MBD5: variants seen among roughly 807,000 people sequenced by gnomAD.
MBD5 encodes methyl-CpG binding domain protein 5.
A neutral mutation model predicts 117.3 loss-of-function variants in MBD5; 13 were observed. The ratio of observed to expected loss-of-function variants is 0.11; its 90% confidence interval spans 0.07 to 0.18. The LOEUF is 0.18. Ranked by LOEUF, MBD5 falls within the 10% of genes least tolerant of loss-of-function variation. The pLI is 1.00. For missense variants in MBD5, 1,879 were observed against 2,093.8 expected (o/e 0.90, Z 2.00); for synonymous variants, 727 against 766.4 (o/e 0.95, Z 0.85).
At chr2:148,445,526 C>A (rs1375248638) in intron 4 of MBD5, among the ~76,000 whole-genome samples, 2 of 151,312 alleles carry the variant, frequency 1.3e-5, no homozygotes, top group East Asian at 3.9e-4. Context: ...TTTCTTAATC[C>A]AGTCTATCAT....
intron 1 of MBD5, among the ~76,000 whole-genome samples, chr2:148,051,803 G>T (rs1264235955): frequency 6.6e-6 from 1 of 151,946 alleles, no homozygotes; most frequent in Non-Finnish European, 1.5e-5. Flanking sequence ...ATTTATAAGA[G>T]CTATTGATCT....
At chr2:148,159,137 G>A (rs1697945269) in intron 1 of MBD5, among the ~76,000 whole-genome samples, 1 of 152,228 alleles carries the variant, frequency 6.6e-6, no homozygotes, top group South Asian at 2.1e-4. Flanking sequence ...TACACAGGTA[G>A]TTAGTTAATC....
intron 12 of MBD5, among the ~76,000 whole-genome samples, chr2:148,507,890 T>C (rs1292809988): frequency 6.6e-6 from 1 of 152,182 alleles, no homozygotes; most frequent in Non-Finnish European, 1.5e-5. Context: ...GTAACTTCAT[T>C]TTAAATATTT....
chr2:148,090,692 C>G (rs1695918843), intron 1 of MBD5, among the ~76,000 whole-genome samples: 1 of 151,856 alleles, frequency 6.6e-6, no homozygotes, highest in Non-Finnish European at 1.5e-5. Context: ...AGGGATATAC[C>G]TCAAAGTAAT....
intron 11 of MBD5, among the ~76,000 whole-genome samples, chr2:148,495,120 T>G (rs1681662034): frequency 1.3e-5 from 2 of 152,312 alleles, no homozygotes; most frequent in Admixed American, 6.5e-5. Flanking sequence ...TGTGCTCCAG[T>G]GCATAGCCAG....
chr2:148,025,010 C>G (rs137896588), intron 1 of MBD5: 349 of 152,282 alleles, frequency 2.3e-3, no homozygotes, highest in African/African-American at 7.8e-3. Context: ...AAGATTTACT[C>G]CTAGTCATCA....
At chr2:148,063,553 C>CT (rs35670128) in intron 1 of MBD5, among the ~76,000 whole-genome samples, 11 of 149,622 alleles carry the variant, frequency 7.4e-5, no homozygotes, top group South Asian at 2.1e-4. Context: ...TCCAAGAAAA[C>CT]TTTTTTTTTT....
chr2:148,446,764 T>G (rs897870198), intron 4 of MBD5, among the ~76,000 whole-genome samples: 2 of 152,002 alleles, frequency 1.3e-5, no homozygotes, highest in African/African-American at 4.8e-5. Flanking sequence ...TTAGAGTGTT[T>G]CAAGGATTAT....
intron 1 of MBD5, chr2:148,027,306 ATTATTTCATAT>A (rs1693924744): frequency 6.6e-6 from 1 of 152,144 alleles, no homozygotes; most frequent in African/African-American, 2.4e-5. Context: ...AGGTGCCTAA[ATTATTTCATAT>A]TTATACTTAA....
intron 1 of MBD5, among the ~76,000 whole-genome samples, chr2:148,059,950 G>T (rs1363679236): frequency 6.6e-6 from 1 of 151,116 alleles, no homozygotes; most frequent in Non-Finnish European, 1.5e-5. Flanking sequence ...AGATTCTGTT[G>T]GGTGTTTGGA....
chr2:148,187,157 G>A (rs1698681408), intron 2 of MBD5, among the ~76,000 whole-genome samples: 1 of 152,176 alleles, frequency 6.6e-6, no homozygotes, highest in Non-Finnish European at 1.5e-5. Context: ...GGAGTTTGGG[G>A]CTGTAGTGTG....
At chr2:148,494,298 G>C (rs967082372) in intron 11 of MBD5, among the ~76,000 whole-genome samples, 1 of 152,104 alleles carries the variant, frequency 6.6e-6, no homozygotes, top group African/African-American at 2.4e-5. Flanking sequence ...GTACAAATTG[G>C]CATATCTGAT....
intron 1 of MBD5, among the ~76,000 whole-genome samples, chr2:148,050,644 A>G (rs1037955073): frequency 6.6e-6 from 1 of 152,132 alleles, no homozygotes; most frequent in Non-Finnish European, 1.5e-5. Flanking sequence ...GAAAATTTAC[A>G]TTATATCTTG....
intron 1 of MBD5, among the ~76,000 whole-genome samples, chr2:148,101,683 T>G (rs1696221113): frequency 6.6e-6 from 1 of 152,184 alleles, no homozygotes; most frequent in Non-Finnish European, 1.5e-5. Flanking sequence ...CAGTGTTTTT[T>G]TAACTTCATC....
intron 4 of MBD5, among the ~76,000 whole-genome samples, chr2:148,375,087 G>A (rs1276336798): frequency 6.6e-6 from 1 of 152,074 alleles, no homozygotes. Flanking sequence ...CTTCTCCAAA[G>A]TATAATACAA....
At chr2:148,466,493 A>G (rs1277773556) in intron 7 of MBD5, among the ~76,000 whole-genome samples, 2 of 152,160 alleles carry the variant, frequency 1.3e-5, no homozygotes, top group Non-Finnish European at 2.9e-5. Flanking sequence ...ATATAAATAC[A>G]TTGATACCCA....
chr2:148,269,668 G>GTTTTTTTTTTTTTT (rs11316954), intron 3 of MBD5, among the ~76,000 whole-genome samples: 1 of 125,854 alleles, frequency 7.9e-6, no homozygotes, highest in African/African-American at 3.0e-5. Context: ...AGTTTTTTTA[G>GTTTTTTTTTTTTTT]TTTTTTTTTT....
intron 3 of MBD5, among the ~76,000 whole-genome samples, chr2:148,329,380 A>T (rs1237122401): frequency 6.6e-6 from 1 of 152,226 alleles, no homozygotes; most frequent in East Asian, 1.9e-4. Flanking sequence ...ATATCCATTT[A>T]CTTTCAATTT....
chr2:148,403,222 C>T lies in MBD5; in HGVS notation c.-556-54981C>T, dbSNP rs189561708. On this transcript the variant is annotated intron_variant, in intron 4 of 13. Coordinates refer to ENST00000642680, the MANE Select transcript of MBD5 (RefSeq NM_001378120.1). The stretch of plus-strand genomic sequence containing the variant: ...TGAGACAGGGTCTCACTCTGTCACC[C>T]AGGCTGGAGTGCAGTGGCACAATCT... Among the ~76,000 whole-genome samples, 585 of 151,396 alleles carry T rather than the reference C, an allele frequency of 3.9e-3. 2 individuals are homozygous for T. The highest frequency in any genetic ancestry group is 7.4e-3 in the Admixed American group (112 of 15,204).
Sources: gnomAD v4.1 joint callset for allele counts (sites outside exome capture counted in the v4.1 genomes callset) on GRCh38, gnomAD v4.1.1 for gene constraint, MANE v1.5 for transcripts, NCBI Gene and HGNC (gene_info 2026-07-23, HGNC 2026-07-21) for gene names.